PUM1: variants seen among roughly 807,000 people sequenced by gnomAD.
PUM1 encodes the protein pumilio RNA binding family member 1.
Under a neutral mutation model 131.8 loss-of-function variants are expected in PUM1, and 13 were observed. The observed-to-expected ratio is 0.10, with a 90% CI of 0.06 to 0.16. The LOEUF is 0.16. Among genes scored for constraint, PUM1 ranks in the 10% least tolerant of loss-of-function variants. The pLI is 1.00. For synonymous variants in PUM1, 509 were observed against 556.5 expected (o/e 0.91, Z 1.20); for missense variants, 961 against 1,512.4 (o/e 0.64, Z 6.05).
At chr1:31,060,279 G>T (rs1456973356) in intron 1 of PUM1, among the ~76,000 whole-genome samples, 2 of 148,718 alleles carry the variant, frequency 1.3e-5, no homozygotes, top group East Asian at 4.2e-4. Flanking sequence ...TGGCCAACAT[G>T]GTGAAACCCC....
intron 17 of PUM1, 118 bp from the exon 18 acceptor site, chr1:30,945,601 G>T: frequency 9.3e-7 from 1 of 1,077,418 alleles, no homozygotes. Flanking sequence ...TGATGAAAGT[G>T]GAATAGCAGC....
At chr1:31,022,547 C>T (rs1043243377) in intron 3 of PUM1, among the ~76,000 whole-genome samples, 46 of 152,344 alleles carry the variant, frequency 3.0e-4, no homozygotes, top group Middle Eastern at 3.4e-3. Context: ...GACCTGGGAA[C>T]TACGTTCCAA....
chr1:30,980,030 G>A, intron 9 of PUM1, 32 bp downstream of exon 9: 1 of 1,479,230 alleles, frequency 6.8e-7, no homozygotes, highest in Non-Finnish European at 9.3e-7. Flanking sequence ...TTCAGCAGGT[G>A]AGAAAATCCC....
chr1:30,963,876 T>G (rs1231360387), intron 14 of PUM1, among the ~76,000 whole-genome samples: 1 of 152,212 alleles, frequency 6.6e-6, no homozygotes, highest in African/African-American at 2.4e-5. Flanking sequence ...GCATTCAATT[T>G]TCCCCATCTA....
At chr1:30,972,131 T>C (rs1024163289) in intron 10 of PUM1, among the ~76,000 whole-genome samples, 7 of 150,664 alleles carry the variant, frequency 4.6e-5, no homozygotes, top group African/African-American at 1.7e-4. Context: ...GGCACGTGCC[T>C]GTAATCCCAG....
chr1:31,009,782 A>AAAAAAAAAAAAAAAAAAAAAAAAAAAC (rs375044466), intron 3 of PUM1, among the ~76,000 whole-genome samples: 1 of 125,368 alleles, frequency 8.0e-6, no homozygotes, highest in African/African-American at 3.3e-5. Context: ...AAAAAAAAAA[A>AAAAAAAAAAAAAAAAAAAAAAAAAAAC]AAAAACAAAA....
intron 14 of PUM1, among the ~76,000 whole-genome samples, chr1:30,958,528 G>GT (rs1197895252): frequency 1.3e-5 from 2 of 152,282 alleles, no homozygotes; most frequent in East Asian, 1.9e-4. Context: ...GCAAAAAACT[G>GT]TAAGCATGGA....
intron 14 of PUM1, among the ~76,000 whole-genome samples, chr1:30,957,597 A>C (rs376875497): frequency 2.0e-5 from 3 of 152,370 alleles, no homozygotes; most frequent in East Asian, 3.9e-4. Flanking sequence ...GTAAGGGCTT[A>C]AATGTTTTAT....
intron 13 of PUM1, 112 bp from the exon 14 acceptor site, chr1:30,965,022 C>A: frequency 1.3e-6 from 1 of 768,694 alleles, no homozygotes; most frequent in Non-Finnish European, 2.2e-6. Flanking sequence ...GCAAATTTGT[C>A]AGCAGAGACA....
intron 3 of PUM1, among the ~76,000 whole-genome samples, chr1:31,021,245 A>C (rs1454557871): frequency 1.3e-5 from 2 of 152,218 alleles, no homozygotes; most frequent in Non-Finnish European, 2.9e-5. Flanking sequence ...ATATTTGCAG[A>C]CAGCCTGAAT....
chr1:30,994,323 T>C (rs1197626499), intron 6 of PUM1, among the ~76,000 whole-genome samples: 1 of 152,074 alleles, frequency 6.6e-6, no homozygotes, highest in Non-Finnish European at 1.5e-5. Flanking sequence ...ACCTGTACTA[T>C]CACACTGGAG....
In PUM1 at chr1:30,975,002, A is replaced by G. The variant is rs577836452; in HGVS notation, c.1355-200T>C. Reference sequence around the variant, plus strand: ...GATCCTTACACCAGTCTTCTAATATAATCCAGGCCTAGAGGAAGAAGCAGT... The same window carrying G: ...GATCCTTACACCAGTCTTCTAATATGATCCAGGCCTAGAGGAAGAAGCAGT... On this transcript the variant is annotated intron_variant, in intron 9 of 21. Transcript: ENST00000426105. 15 of 384,824 alleles carry G rather than the reference A, an allele frequency of 3.9e-5. No homozygotes were observed. The East Asian group carries it at 4.4e-4, about 11-fold the overall frequency. 23.8% of individuals were successfully genotyped at this position (384,824 alleles called of 1,614,324 possible). A position where few individuals can be genotyped will look rare whatever the true frequency, so the allele number is the denominator to read the frequency against.
intron 2 of PUM1, among the ~76,000 whole-genome samples, chr1:31,052,893 G>A (rs931910368): frequency 2.0e-5 from 3 of 151,160 alleles, no homozygotes; most frequent in Non-Finnish European, 4.4e-5. Flanking sequence ...TAGTAGACAC[G>A]GGGTTTCATC....
chr1:31,059,722 C>G (rs548004167), intron 1 of PUM1, 145 bp from the exon 2 acceptor site: 1 of 876,770 alleles, frequency 1.1e-6, no homozygotes, highest in South Asian at 1.8e-5. Flanking sequence ...GGGATCAGAA[C>G]TCAATACTAC....
At chr1:31,058,010 G>A (rs899073905) in intron 2 of PUM1, among the ~76,000 whole-genome samples, 3 of 152,052 alleles carry the variant, frequency 2.0e-5, no homozygotes, top group African/African-American at 7.2e-5. Context: ...ACATGGATAA[G>A]GCTAACCTCT....
chr1:31,064,808 T>C (rs1036945598), intron 1 of PUM1, among the ~76,000 whole-genome samples: 3 of 128,500 alleles, frequency 2.3e-5, no homozygotes, highest in Non-Finnish European at 4.7e-5. Context: ...TACAGGAGTG[T>C]ATTCCTCACT....
chr1:30,942,015 T>A lies in PUM1; in HGVS notation c.3103A>T (p.Thr1035Ser), dbSNP rs771145682. 1.9e-6 allele frequency: 3 copies of A among 1,581,886 alleles called. No homozygotes were observed. Among genetic ancestry groups the A allele is most frequent in the Non-Finnish European group, 2.6e-6 (3 of 1,160,032 alleles). ...TCCACTACCTGTACAAGCTGCTCTG[T>A]GTGCTGGTGAAGCTCCTCTAAAATA... ...LPILEELHQH[T>S]EQLVQDQYGN... The change falls in exon 19 of 22, where the codon ACA (threonine) becomes TCA (serine). Residue 1035 changes from threonine (T) to serine (S), a missense_variant. Around this residue, in one of 4 missense-constraint regions of PUM1, gnomAD observed 178 missense variants for 327.5 expected, o/e 0.54. Coordinates refer to ENST00000426105, the MANE Select transcript of PUM1 (RefSeq NM_001020658.2).
At chr1:31,055,283 A>G in intron 2 of PUM1, 1 of 453,664 alleles carries the variant, frequency 2.2e-6, no homozygotes, top group Non-Finnish European at 4.4e-6. Flanking sequence ...TCCCAGCAGG[A>G]TGACTGAGCT....
At chr1:30,992,803 T>C in intron 6 of PUM1, 143 bp from the exon 7 acceptor site, 1 of 690,070 alleles carries the variant, frequency 1.4e-6, no homozygotes, top group Non-Finnish European at 2.4e-6. Flanking sequence ...AGAGATACTT[T>C]ACAGGGCTTA....
Sources: gnomAD v4.1 joint callset for allele counts (sites outside exome capture counted in the v4.1 genomes callset) on GRCh38, gnomAD v4.1.1 for gene constraint, gnomAD v4.1.1 regional missense constraint, MANE v1.5 for transcripts, NCBI Gene and HGNC (gene_info 2026-07-23, HGNC 2026-07-21) for gene names.